AGPAT2: variants seen among roughly 807,000 people sequenced by gnomAD.
The protein encoded by AGPAT2 is 1-acylglycerol-3-phosphate O-acyltransferase 2, also known as 1-acyl-sn-glycerol-3-phosphate acyltransferase beta.
Under a neutral mutation model 26.1 loss-of-function variants are expected in AGPAT2, and 18 were observed. The observed-to-expected ratio is 0.69, with a 90% CI of 0.48 to 1.02. AGPAT2 has a LOEUF of 1.02. Ranked by LOEUF, AGPAT2 falls within the 50% of genes least tolerant of loss-of-function variation. The pLI, the probability that AGPAT2 is intolerant of heterozygous loss-of-function variation, is 0.00. For synonymous variants in AGPAT2, 200 were observed against 174.2 expected (o/e 1.15, Z -1.16); for missense variants, 415 against 394.9 (o/e 1.05, Z -0.43).
chr9:136,677,504 C>T lies in AGPAT2; in HGVS notation c.235G>A (p.Glu79Lys), dbSNP rs746723029. ...TGCAGCCTGCGCGGGTCCCGCACCT[C>T]GAAGCGGAGCCCGTAAAAGTACTTG... The part of the protein sequence containing the change: ...SFKYFYGLRF[E>K]VRDPRRLQEA... Residue 79 changes from glutamate to lysine, a missense_variant, in exon 2 of 6, where the codon GAG becomes AAG. Coordinates refer to ENST00000371696, the MANE Select transcript of AGPAT2 (RefSeq NM_006412.4). 35 of 1,612,926 alleles carry T rather than the reference C, an allele frequency of 2.2e-5. No homozygotes were observed. The highest frequency in any genetic ancestry group is 1.6e-4 in the Middle Eastern group (1 of 6,084).
At chr9:136,679,919 GC>G (rs1380986200) in intron 1 of AGPAT2, among the ~76,000 whole-genome samples, 1 of 152,192 alleles carries the variant, frequency 6.6e-6, no homozygotes, top group Non-Finnish European at 1.5e-5. Flanking sequence ...CCAGGAATTC[GC>G]CCGACGGCTG....
chr9:136,684,924 G>C (rs1289243127), intron 1 of AGPAT2, among the ~76,000 whole-genome samples: 1 of 152,214 alleles, frequency 6.6e-6, no homozygotes, highest in African/African-American at 2.4e-5. Context: ...CTTCCCTGGA[G>C]TGACAAAGCG....
At chr9:136,676,789 C>T (rs1314007470) in intron 3 of AGPAT2, 109 bp from the exon 4 acceptor site, 1 of 1,300,788 alleles carries the variant, frequency 7.7e-7, no homozygotes, top group African/African-American at 1.5e-5. Flanking sequence ...TGGCATGGGA[C>T]CCCATCTGCG....
At chr9:136,679,203 A>T (rs1846130910) in intron 1 of AGPAT2, among the ~76,000 whole-genome samples, 2 of 152,110 alleles carry the variant, frequency 1.3e-5, no homozygotes, top group Non-Finnish European at 2.9e-5. Flanking sequence ...TCTCTGGCTG[A>T]CGTCTGTTCC....
chr9:136,678,112 C>T (rs1369357347), intron 1 of AGPAT2, among the ~76,000 whole-genome samples: 3 of 152,204 alleles, frequency 2.0e-5, no homozygotes, highest in Non-Finnish European at 4.4e-5. Context: ...CCGAGACCCT[C>T]TCTCACCCCT....
Position 136,673,691 on chromosome 9 carries a change from C to T in AGPAT2, c.*61G>A. 6.8e-7 allele frequency: 1 copy of T among 1,476,748 alleles called. No homozygotes were observed. Among genetic ancestry groups the T allele is most frequent in the Non-Finnish European group, 9.1e-7 (1 of 1,100,478 alleles). The allele number at this position is 1,476,748 out of a possible 1,614,324, so 91.5% of individuals were successfully genotyped here. A position where few individuals can be genotyped will look rare whatever the true frequency, so the allele number is the denominator to read the frequency against. The stretch of plus-strand genomic sequence containing the variant: ...GGAAGCCGGGAGGAGTCCCCTCTGC[C>T]CATCCTCCAGCCATCGGCTTCCACC... On this transcript the variant is annotated 3_prime_UTR_variant, in exon 6 of 6. Coordinates refer to ENST00000371696, the MANE Select transcript of AGPAT2 (RefSeq NM_006412.4).
At chr9:136,677,879 G>C (rs1361662591) in intron 1 of AGPAT2, among the ~76,000 whole-genome samples, 2 of 152,210 alleles carry the variant, frequency 1.3e-5, no homozygotes, top group African/African-American at 4.8e-5. Context: ...CCACCCCACA[G>C]GGGACCCAGC....
chr9:136,677,627 G>C (rs1846111037), intron 1 of AGPAT2, 71 bp from the exon 2 acceptor site: 1 of 1,597,752 alleles, frequency 6.3e-7, no homozygotes, highest in Admixed American at 1.7e-5. Context: ...GAAGGCCTGG[G>C]GGTGGGGTGT....
At chr9:136,687,152 C>A in intron 1 of AGPAT2, 24 bp downstream of exon 1, 2 of 1,572,688 alleles carry the variant, frequency 1.3e-6, no homozygotes, top group South Asian at 2.3e-5. Flanking sequence ...TTCCCCGGCC[C>A]CTCCCGGCGG....
rs758501299 is a variant in AGPAT2 at position 136,673,860 on chromosome 9, C to A, written c.729G>T (p.Ala243=). ...TSGLTAADVP[A]LVDTCHRAMR... ...TGGCCCGGTGGCAGGTGTCCACGAG[C>A]GCAGGGACGTCCGCCGCAGTGAGGC... The change falls in exon 6 of 6, where the codon GCG becomes GCT. Residue 243 remains alanine, a synonymous_variant. Transcript: ENST00000371696. 5 of 1,605,006 alleles carry A rather than the reference C, an allele frequency of 3.1e-6. No homozygotes were observed. The highest frequency in any genetic ancestry group is 1.1e-5 in the South Asian group (1 of 89,606).
chr9:136,676,837 C>T (rs1846096307), intron 3 of AGPAT2, 124 bp downstream of exon 3: 1 of 1,314,200 alleles, frequency 7.6e-7, no homozygotes, highest in Middle Eastern at 2.2e-4. Context: ...TGGGACCCCA[C>T]CTGCGGAGCA....
chr9:136,687,329 G>C lies in AGPAT2; in HGVS notation c.29C>G (p.Ala10Gly), dbSNP rs1284278396. MELWPCLAA[A>G]LLLLLLLVQL... ...CACCAGCAGCAGCAGCAACAGCAGC[G>C]CCGCGGCCAGACACGGCCACAGCTC... Residue 10 changes from alanine to glycine, a missense_variant, in exon 1 of 6, where the codon GCG becomes GGG. Ala to Gly is a moderately conservative substitution (Grantham distance 60). Coordinates refer to ENST00000371696, the MANE Select transcript of AGPAT2 (RefSeq NM_006412.4). 13 of 1,561,068 alleles carry C rather than the reference G, an allele frequency of 8.3e-6. No individual in the cohort carries two copies. Among genetic ancestry groups the C allele is most frequent in the Non-Finnish European group, 8.6e-7 (1 of 1,160,970 alleles).
At position 136,673,738 on chromosome 9, in the gene AGPAT2, T is replaced by A. The variant is rs1846043415; in HGVS notation, c.*14A>T. The A allele has an allele frequency of 1.9e-6, 3 of 1,565,836 alleles. No individual in the cohort carries two copies. The highest frequency in any genetic ancestry group is 2.7e-5 in the African/African-American group (2 of 74,058). On this transcript the variant is annotated 3_prime_UTR_variant, in exon 6 of 6. Transcript: ENST00000371696. ...CACCTGCCCTCCCCAGGTCATGCCC[T>A]GCCGTGGTCTGGGCTACTGGGCCGG...
At chr9:136,674,516 T>C (rs1380735854) in intron 5 of AGPAT2, among the ~76,000 whole-genome samples, 3 of 152,206 alleles carry the variant, frequency 2.0e-5, no homozygotes, top group African/African-American at 7.2e-5. Context: ...GCCTCAGTTT[T>C]CTCATCTGAA....
intron 1 of AGPAT2, among the ~76,000 whole-genome samples, chr9:136,684,357 C>A (rs1409878135): frequency 1.2e-4 from 19 of 152,202 alleles, no homozygotes; most frequent in African/African-American, 4.6e-4. Context: ...GAGGAAACGT[C>A]CCCTGCAGCT....
At position 136,687,413 on chromosome 9, in the gene AGPAT2, T is replaced by G; in HGVS notation, c.-56A>C. 1 of 1,361,604 alleles carries G rather than the reference T, an allele frequency of 7.3e-7. No homozygotes were observed. Among genetic ancestry groups the G allele is most frequent in the Non-Finnish European group, 9.4e-7 (1 of 1,059,658 alleles). The allele number at this position is 1,361,604 out of a possible 1,614,324, so 84.3% of individuals were successfully genotyped here. A position where few individuals can be genotyped will look rare whatever the true frequency, so the allele number is the denominator to read the frequency against. On this transcript the variant is annotated 5_prime_UTR_variant, in exon 1 of 6. Coordinates refer to ENST00000371696, the MANE Select transcript of AGPAT2 (RefSeq NM_006412.4). ...GCTCGCTCCCGCTCCCGCTCCCGCT[T>G]CTCCCCCGCGCGCTCAGGCCCCTTA...
In AGPAT2 at chr9:136,673,759, G is replaced by A. The variant is rs1344825112; in HGVS notation, c.830C>T (p.Ala277Val). 3.8e-6 allele frequency: 6 copies of A among 1,591,834 alleles called. No individual in the cohort carries two copies. The highest frequency in any genetic ancestry group is 5.1e-6 in the Non-Finnish European group (6 of 1,170,688). The change falls in exon 6 of 6, where the codon GCC (alanine) becomes GTC (valine). Residue 277 changes from alanine to valine, a missense_variant. By Grantham distance (64) the Ala-to-Val change is moderately conservative. Coordinates refer to ENST00000371696, the MANE Select transcript of AGPAT2 (RefSeq NM_006412.4). ...GCCCTGCCGTGGTCTGGGCTACTGG[G>A]CCGGCTGCACGCCAGACCCCGCAGT... ...GATAGSGVQP[A>V]Q
At chr9:136,685,556 G>A (rs990638023) in intron 1 of AGPAT2, among the ~76,000 whole-genome samples, 2 of 152,210 alleles carry the variant, frequency 1.3e-5, no homozygotes, top group African/African-American at 4.8e-5. Context: ...CTGCTCCAGG[G>A]TCTCCTAAGT....
intron 1 of AGPAT2, 30 bp from the exon 2 acceptor site, chr9:136,677,586 C>A: frequency 6.2e-7 from 1 of 1,612,666 alleles, no homozygotes; most frequent in South Asian, 1.1e-5. Context: ...GAACACGGGT[C>A]CCACAGATCC....
Sources: gnomAD v4.1 joint callset for allele counts (sites outside exome capture counted in the v4.1 genomes callset) on GRCh38, gnomAD v4.1.1 for gene constraint, MANE v1.5 for transcripts, NCBI Gene and HGNC (gene_info 2026-07-23, HGNC 2026-07-21) for gene names.